Variants in PREP observed in about 807,000 individuals in gnomAD.
PREP encodes dJ355L5.1 (prolyl endopeptidase).
A neutral mutation model predicts 87.6 loss-of-function variants in PREP; 29 were observed. The ratio of observed to expected loss-of-function variants is 0.33; its 90% confidence interval spans 0.25 to 0.45. The LOEUF is 0.45. Ranked by LOEUF, PREP falls within the 20% of genes least tolerant of loss-of-function variation. The pLI, the probability that PREP is intolerant of heterozygous loss-of-function variation, is 1.00. For missense variants in PREP, 695 were observed against 886.5 expected (o/e 0.78, Z 2.74); for synonymous variants, 337 against 328.6 (o/e 1.03, Z -0.28).
chr6:105,341,015 A>T (rs1179493185), intron 7 of PREP, among the ~76,000 whole-genome samples: 1 of 152,192 alleles, frequency 6.6e-6, no homozygotes, highest in Non-Finnish European at 1.5e-5. Flanking sequence ...TCCACGAATT[A>T]AACTCAGCTC....
At chr6:105,371,703 A>C (rs1280341103) in intron 5 of PREP, among the ~76,000 whole-genome samples, 1 of 152,050 alleles carries the variant, frequency 6.6e-6, no homozygotes, top group Non-Finnish European at 1.5e-5. Flanking sequence ...ATGGCACTTA[A>C]GTGATTGTCA....
chr6:105,365,730 T>C (rs892990256), intron 6 of PREP, among the ~76,000 whole-genome samples: 3 of 152,144 alleles, frequency 2.0e-5, no homozygotes, highest in Non-Finnish European at 2.9e-5. Flanking sequence ...ACCCAAGTTC[T>C]GGAACACTGC....
At chr6:105,305,057 G>T (rs1770625480) in intron 10 of PREP, among the ~76,000 whole-genome samples, 1 of 152,154 alleles carries the variant, frequency 6.6e-6, no homozygotes, top group Admixed American at 6.5e-5. Flanking sequence ...ACCCAACAAG[G>T]ATATGTGAAA....
chr6:105,340,104 G>A (rs974810315), intron 7 of PREP, among the ~76,000 whole-genome samples: 2 of 120,392 alleles, frequency 1.7e-5, no homozygotes, highest in African/African-American at 4.3e-5. Flanking sequence ...ATTCACCAAG[G>A]TTGAAATGAA....
Position 105,275,228 on chromosome 6 carries a change from C to T in PREP, c.*2916G>A, listed in dbSNP as rs900932267. On this transcript the variant is annotated 3_prime_UTR_variant, in exon 15 of 15. Coordinates refer to ENST00000652536, the MANE Select transcript of PREP (RefSeq NM_002726.5). ...CATTAGCTATGTGGCCTGCTGGGAA[C>T]TTCCAGAGGCTGGTAAAACTGACAA... Among the ~76,000 whole-genome samples, 1 of 152,236 alleles carries T rather than the reference C, an allele frequency of 6.6e-6. No homozygotes were observed. The highest frequency in any genetic ancestry group is 6.5e-5 in the Admixed American group (1 of 15,286).
At chr6:105,387,414 T>C (rs1773026708) in intron 2 of PREP, among the ~76,000 whole-genome samples, 1 of 152,068 alleles carries the variant, frequency 6.6e-6, no homozygotes, top group African/African-American at 2.4e-5. Context: ...ATACAAGTAC[T>C]TGAAACAATT....
chr6:105,392,473 T>C (rs1020224107), intron 2 of PREP, among the ~76,000 whole-genome samples: 17 of 152,232 alleles, frequency 1.1e-4, no homozygotes, highest in African/African-American at 3.4e-4. Flanking sequence ...TTATACTTAG[T>C]AGGAATCTGA....
At position 105,285,651 on chromosome 6, in the gene PREP, CAAA is replaced by C. The variant is rs1770175645; in HGVS notation, c.1455-74_1455-72del. On this transcript the variant is annotated intron_variant, in intron 11 of 14. Transcript: ENST00000652536. ...AAGACCATGCCCTCTCTCTCCATCTCAAAAAAGTGTATGCCCAACAACACTCTG... is the reference window on the plus strand; with the variant it reads ...AAGACCATGCCCTCTCTCTCCATCTCAAAGTGTATGCCCAACAACACTCTG... The C allele has an allele frequency of 2.4e-6, 3 of 1,266,056 alleles. No homozygotes were observed. In the Admixed American group the frequency reaches 5.3e-5, roughly 22 times the overall value. 78.4% of individuals were successfully genotyped at this position (1,266,056 alleles called of 1,614,324 possible).
chr6:105,280,236 A>G (rs1770051124), intron 14 of PREP, among the ~76,000 whole-genome samples: 1 of 152,148 alleles, frequency 6.6e-6, no homozygotes, highest in Non-Finnish European at 1.5e-5. Context: ...CCAGGAGGCG[A>G]TGTTGCAGTG....
intron 7 of PREP, among the ~76,000 whole-genome samples, chr6:105,338,555 C>T (rs936409010): frequency 1.3e-5 from 2 of 152,218 alleles, no homozygotes; most frequent in African/African-American, 4.8e-5. Flanking sequence ...ACAGTGGGTG[C>T]AGCCCATTGA....
chr6:105,398,580 G>A (rs1445034910), intron 1 of PREP, among the ~76,000 whole-genome samples: 2 of 152,064 alleles, frequency 1.3e-5, no homozygotes, highest in African/African-American at 4.8e-5. Flanking sequence ...AGGTGCAAAA[G>A]CATCACCCAT....
chr6:105,285,527 T>C lies in PREP; in HGVS notation c.1508A>G (p.Asn503Ser), dbSNP rs753032468. 14 of 1,614,136 alleles carry C rather than the reference T, an allele frequency of 8.7e-6. No homozygotes were observed. Among genetic ancestry groups the C allele is most frequent in the East Asian group, 2.2e-5 (1 of 44,862 alleles). ...RHMGGILAVA[N>S]IRGGGEYGET... ...TCCATATTCGCCACCTCCTCTGATG[T>C]TGGCCACTGCCAGGATACCACCCAT... The change falls in exon 12 of 15, where the codon AAC (asparagine) becomes AGC (serine). Residue 503 changes from asparagine (N) to serine (S), a missense_variant. By Grantham distance (46) the Asn-to-Ser change is conservative. Around this residue, in one of 5 missense-constraint regions of PREP, gnomAD observed 517 missense variants for 620.3 expected, o/e 0.83. Transcript: ENST00000652536.
intron 6 of PREP, among the ~76,000 whole-genome samples, chr6:105,353,912 A>C (rs1772025783): frequency 6.6e-6 from 1 of 152,212 alleles, no homozygotes; most frequent in Admixed American, 6.5e-5. Flanking sequence ...AAGATCTCAG[A>C]AATGAATGGC....
intron 10 of PREP, among the ~76,000 whole-genome samples, chr6:105,296,763 T>C (rs376430232): frequency 6.6e-6 from 1 of 152,218 alleles, no homozygotes; most frequent in South Asian, 2.1e-4. Context: ...TTCTTCTTCA[T>C]TCCTCGAAAT....
Position 105,276,341 on chromosome 6 carries a change from C to T in PREP, c.*1803G>A, listed in dbSNP as rs1399473403. ...GAACCCAGTCCTGATATCTGAAGCT[C>T]ACACACTACACACTGTATTTTCTGC... is the stretch of plus-strand genomic sequence containing the variant. On this transcript the variant is annotated 3_prime_UTR_variant, in exon 15 of 15. Coordinates refer to ENST00000652536, the MANE Select transcript of PREP (RefSeq NM_002726.5). Among the ~76,000 whole-genome samples the T allele has an allele frequency of 2.0e-5, 3 of 150,360 alleles. No homozygotes were observed. The highest frequency in any genetic ancestry group is 7.6e-5 in the African/African-American group (3 of 39,604).
At chr6:105,322,479 G>C in intron 10 of PREP, 1 of 985,430 alleles carries the variant, frequency 1.0e-6, no homozygotes, top group Non-Finnish European at 1.2e-6. Flanking sequence ...AGAGCTTCTT[G>C]ACCCTGTATG....
chr6:105,379,358 A>C (rs1772776868), intron 2 of PREP, among the ~76,000 whole-genome samples: 1 of 152,208 alleles, frequency 6.6e-6, no homozygotes, highest in Non-Finnish European at 1.5e-5. Context: ...ACTTTCCCTC[A>C]TTAAAAACAT....
At chr6:105,329,629 A>G (rs994974667) in intron 8 of PREP, among the ~76,000 whole-genome samples, 1 of 152,222 alleles carries the variant, frequency 6.6e-6, no homozygotes, top group African/African-American at 2.4e-5. Flanking sequence ...TATAGGAGCT[A>G]TAAGGAGGAA....
chr6:105,352,324 A>G (rs1771979637), intron 7 of PREP, among the ~76,000 whole-genome samples: 1 of 152,152 alleles, frequency 6.6e-6, no homozygotes, highest in Admixed American at 6.5e-5. Context: ...GTGGAAGAGA[A>G]CAACATTTAA....
Sources: allele counts gnomAD v4.1 joint callset (sites outside exome capture counted in the v4.1 genomes callset), GRCh38; gene constraint gnomAD v4.1.1; regional missense constraint gnomAD v4.1.1; transcripts MANE v1.5; gene names NCBI Gene and HGNC (gene_info 2026-07-23, HGNC 2026-07-21).